The following ZBTB20 variants were observed in gnomAD, a reference collection of about 807,000 sequenced individuals.
ZBTB20 encodes zinc finger and BTB domain-containing protein 20.
In ZBTB20, 9 loss-of-function variants were observed where a neutral mutation model predicts 56.9. That is an observed-to-expected ratio of 0.16 (90% CI 0.10 to 0.28). The LOEUF is 0.28. Ranked by LOEUF, ZBTB20 falls within the 10% of genes least tolerant of loss-of-function variation. The pLI is 1.00. For missense variants in ZBTB20, 655 were observed against 1,003.0 expected (o/e 0.65, Z 4.69); for synonymous variants, 417 against 420.7 (o/e 0.99, Z 0.11).
At chr3:114,470,990 A>T (rs939369251) in intron 7 of ZBTB20, among the ~76,000 whole-genome samples, 2 of 152,184 alleles carry the variant, frequency 1.3e-5, no homozygotes, top group South Asian at 2.1e-4. Flanking sequence ...TATCCCCATA[A>T]ATATGCATGT....
At chr3:115,060,513 A>AT (rs1488943648) in intron 2 of ZBTB20, among the ~76,000 whole-genome samples, 1 of 152,034 alleles carries the variant, frequency 6.6e-6, no homozygotes, top group Non-Finnish European at 1.5e-5. Flanking sequence ...TGTGATTTAT[A>AT]TTTTTCTTCT....
chr3:114,436,663 T>C (rs1176054117), intron 7 of ZBTB20, among the ~76,000 whole-genome samples: 1 of 152,222 alleles, frequency 6.6e-6, no homozygotes, highest in African/African-American at 2.4e-5. Flanking sequence ...TTTGCTATCA[T>C]ACTGGGTTTT....
Position 114,351,223 on chromosome 3 carries a change from G to A in ZBTB20, c.855C>T (p.Pro285=), listed in dbSNP as rs145628469. The part of the protein sequence containing the change: ...GLPRDHHMED[P]SWITRIHERS... ...GCTCATGGATGCGTGTGATCCAGCT[G>A]GGGTCTTCCATGTGGTGGTCGCGGG... The change falls in exon 11 of 12, where the codon CCC becomes CCT. Residue 285 remains proline (P), a synonymous_variant. Transcript: ENST00000675478. The A allele has an allele frequency of 7.2e-5, 115 of 1,601,748 alleles. No individual in the cohort carries two copies. The highest frequency in any genetic ancestry group is 1.4e-5 in the Non-Finnish European group (17 of 1,179,246).
intron 1 of ZBTB20, among the ~76,000 whole-genome samples, chr3:115,120,696 T>A (rs1236339895): frequency 6.6e-6 from 1 of 152,042 alleles, no homozygotes; most frequent in African/African-American, 2.4e-5. Context: ...AAAAGTGAAA[T>A]AATTGTCCAA....
intron 1 of ZBTB20, among the ~76,000 whole-genome samples, chr3:115,072,059 T>C (rs2082428744): frequency 6.6e-6 from 1 of 152,198 alleles, no homozygotes; most frequent in South Asian, 2.1e-4. Flanking sequence ...TAGACTTCTT[T>C]ATGGCAGAAC....
At chr3:114,829,408 A>C (rs1245674928) in intron 4 of ZBTB20, among the ~76,000 whole-genome samples, 1 of 151,898 alleles carries the variant, frequency 6.6e-6, no homozygotes, top group African/African-American at 2.4e-5. Context: ...GCTGATAGGA[A>C]AAAAGAAAAC....
chr3:114,733,759 T>C (rs1299445464), intron 5 of ZBTB20, among the ~76,000 whole-genome samples: 1 of 152,090 alleles, frequency 6.6e-6, no homozygotes, highest in African/African-American at 2.4e-5. Context: ...CGGCATCATG[T>C]AGAGGTAGTA....
intron 3 of ZBTB20, among the ~76,000 whole-genome samples, chr3:114,913,722 A>G (rs571451123): frequency 6.6e-6 from 1 of 151,376 alleles, no homozygotes; most frequent in African/African-American, 2.4e-5. Flanking sequence ...GAGGTATTAG[A>G]CTTAAGTCTT....
intron 2 of ZBTB20, among the ~76,000 whole-genome samples, chr3:115,045,651 A>ATC (rs2081307715): frequency 6.6e-6 from 1 of 152,136 alleles, no homozygotes; most frequent in African/African-American, 2.4e-5. Flanking sequence ...AACATGGAAG[A>ATC]CTTTTATAAT....
chr3:114,638,006 G>A (rs1355652099), intron 6 of ZBTB20, among the ~76,000 whole-genome samples: 3 of 151,910 alleles, frequency 2.0e-5, no homozygotes, highest in Non-Finnish European at 2.9e-5. Flanking sequence ...CTTCCTAGCC[G>A]CAGACCTCTA....
At chr3:115,091,127 A>C (rs1307003205) in intron 1 of ZBTB20, among the ~76,000 whole-genome samples, 1 of 151,610 alleles carries the variant, frequency 6.6e-6, no homozygotes, top group East Asian at 1.9e-4. Context: ...AAAAGTGAAA[A>C]ACAAATAAAA....
At chr3:114,835,470 T>C (rs945163693) in intron 4 of ZBTB20, among the ~76,000 whole-genome samples, 1 of 152,212 alleles carries the variant, frequency 6.6e-6, no homozygotes, top group African/African-American at 2.4e-5. Context: ...TGTGGCATTA[T>C]GAAGTGATCA....
At chr3:114,850,874 C>T (rs893757396) in intron 4 of ZBTB20, among the ~76,000 whole-genome samples, 1 of 152,104 alleles carries the variant, frequency 6.6e-6, no homozygotes, top group African/African-American at 2.4e-5. Context: ...GATAGGCACA[C>T]TTTTCTGGGA....
chr3:115,078,613 G>GTGTATATA (rs769630983), intron 1 of ZBTB20, among the ~76,000 whole-genome samples: 2,666 of 137,596 alleles, frequency 0.019, 37 homozygotes, highest in African/African-American at 0.028. Flanking sequence ...GTGTGTGTGT[G>GTGTATATA]TATATATATA....
At chr3:114,995,979 A>G (rs1366094028) in intron 2 of ZBTB20, among the ~76,000 whole-genome samples, 1 of 151,830 alleles carries the variant, frequency 6.6e-6, no homozygotes. Flanking sequence ...AGGAAACTAT[A>G]GAGGGAATGT....
chr3:114,614,064 T>C (rs966711129), intron 6 of ZBTB20, among the ~76,000 whole-genome samples: 1 of 152,220 alleles, frequency 6.6e-6, no homozygotes, highest in Non-Finnish European at 1.5e-5. Context: ...GGTTACAGTG[T>C]TGTAGAATCT....
chr3:114,808,845 C>T (rs948617964), intron 4 of ZBTB20, among the ~76,000 whole-genome samples: 1 of 152,034 alleles, frequency 6.6e-6, no homozygotes, highest in Non-Finnish European at 1.5e-5. Context: ...GGATTTCCTT[C>T]AGTATTTCTG....
In ZBTB20 at chr3:114,334,902, C is replaced by T. The variant is rs540474212; in HGVS notation, c.*4103G>A. ...TTTCATTTCAGATTTTTTTTCTTTG[C>T]TTAGCTTGTTTCCCCCTGTGTAGAA... On this transcript the variant is annotated 3_prime_UTR_variant, in exon 12 of 12. Transcript: ENST00000675478. The T allele has an allele frequency of 4.6e-5, 7 of 152,070 alleles. No homozygotes were observed. The highest frequency in any genetic ancestry group is 1.7e-4 in the African/African-American group (7 of 41,502). The allele number at this position is 152,070 out of a possible 1,614,324, so 9.4% of individuals were successfully genotyped here. A position where few individuals can be genotyped will look rare whatever the true frequency, so the allele number is the denominator to read the frequency against.
intron 1 of ZBTB20, chr3:115,100,186 G>C (rs1158420776): frequency 6.6e-6 from 1 of 151,946 alleles, no homozygotes; most frequent in Non-Finnish European, 1.5e-5. Flanking sequence ...TTCTTCCCCA[G>C]CGCTGAGTTT....
Sources: gnomAD v4.1 joint callset for allele counts (sites outside exome capture counted in the v4.1 genomes callset) on GRCh38, gnomAD v4.1.1 for gene constraint, MANE v1.5 for transcripts, NCBI Gene and HGNC (gene_info 2026-07-23, HGNC 2026-07-21) for gene names.